The following ALK variants were observed in gnomAD, a reference collection of about 807,000 sequenced individuals.
ALK encodes the protein ALK tyrosine kinase receptor.
ALK carries 74 observed loss-of-function variants against 163.1 expected under a neutral mutation model. The ratio of observed to expected loss-of-function variants is 0.45; its 90% CI spans 0.38 to 0.55. ALK has a LOEUF of 0.55. Among genes scored for constraint, ALK ranks in the 20% least tolerant of loss-of-function variants. The pLI is 0.00. For missense variants in ALK, 2,063 were observed against 2,105.3 expected, an observed-to-expected ratio of 0.98 and a Z score of 0.39; for synonymous variants, 960 against 843.2, an observed-to-expected ratio of 1.14 and a Z score of -2.40.
chr2:29,729,921 C>T (rs1679688161), intron 1 of ALK, among the ~76,000 whole-genome samples: 1 of 152,200 alleles, frequency 6.6e-6, no homozygotes, highest in Non-Finnish European at 1.5e-5. Context: ...TGGTTTGTGA[C>T]TTGGTTTTCA....
chr2:29,266,380 G>A (rs922778887), intron 11 of ALK, among the ~76,000 whole-genome samples: 6 of 152,176 alleles, frequency 3.9e-5, no homozygotes, highest in African/African-American at 1.4e-4. Flanking sequence ...ATACACAAAA[G>A]TGTGCACAAC....
intron 4 of ALK, among the ~76,000 whole-genome samples, chr2:29,465,114 C>T (rs993395792): frequency 6.6e-6 from 1 of 152,116 alleles, no homozygotes; most frequent in Non-Finnish European, 1.5e-5. Context: ...AAGAAAATTA[C>T]ATCAAGATCC....
intron 4 of ALK, among the ~76,000 whole-genome samples, chr2:29,443,773 T>G (rs1390176009): frequency 1.3e-5 from 2 of 152,300 alleles, no homozygotes; most frequent in East Asian, 3.9e-4. Context: ...TGAAAGCAAT[T>G]GATGGTGAAT....
chr2:29,551,489 A>T (rs1437480229), intron 3 of ALK, among the ~76,000 whole-genome samples: 1 of 152,168 alleles, frequency 6.6e-6, no homozygotes, highest in Non-Finnish European at 1.5e-5. Flanking sequence ...ATGAAGAAAC[A>T]AATTTAGAGG....
intron 4 of ALK, among the ~76,000 whole-genome samples, chr2:29,442,573 T>G (rs1278004214): frequency 6.6e-6 from 1 of 152,170 alleles, no homozygotes; most frequent in Non-Finnish European, 1.5e-5. Flanking sequence ...CCTTAGCCTT[T>G]CTGAGCCTCT....
At chr2:29,453,616 A>G (rs868117124) in intron 4 of ALK, among the ~76,000 whole-genome samples, 2 of 152,200 alleles carry the variant, frequency 1.3e-5, no homozygotes, top group Non-Finnish European at 2.9e-5. Context: ...CTAGAACAGT[A>G]CCTGCTACAT....
At chr2:29,390,863 T>C (rs1339282215) in intron 4 of ALK, among the ~76,000 whole-genome samples, 2 of 152,162 alleles carry the variant, frequency 1.3e-5, no homozygotes, top group Non-Finnish European at 2.9e-5. Context: ...TGGCATGGAG[T>C]CTTTTATCCA....
intron 5 of ALK, among the ~76,000 whole-genome samples, chr2:29,349,699 T>C (rs550694432): frequency 1.3e-5 from 2 of 152,128 alleles, no homozygotes; most frequent in South Asian, 2.1e-4. Flanking sequence ...ATGTGCAGAG[T>C]GGACAGGTGA....
At chr2:29,503,532 C>T (rs903631444) in intron 4 of ALK, among the ~76,000 whole-genome samples, 2 of 152,184 alleles carry the variant, frequency 1.3e-5, no homozygotes, top group Non-Finnish European at 2.9e-5. Flanking sequence ...AAGAACAATG[C>T]ATGGGCACCG....
intron 4 of ALK, among the ~76,000 whole-genome samples, chr2:29,487,876 G>A (rs936175006): frequency 6.6e-5 from 10 of 152,116 alleles, no homozygotes; most frequent in Non-Finnish European, 1.2e-4. Context: ...AAGCCTGCCC[G>A]CTATCCCGTG....
intron 3 of ALK, among the ~76,000 whole-genome samples, chr2:29,664,861 T>C (rs1257488595): frequency 6.6e-6 from 1 of 152,124 alleles, no homozygotes; most frequent in Non-Finnish European, 1.5e-5. Context: ...GTCTTCCATA[T>C]CACTTACGGA....
rs7577030 is a variant in ALK, at chr2:29,387,223, G to T, written c.1155-3364C>A. 7.3e-3 allele frequency among the ~76,000 whole-genome samples: 1,113 copies of T among 152,304 alleles called. 12 individuals are homozygous for T. The highest frequency in any genetic ancestry group is 0.025 in the African/African-American group (1,043 of 41,564). On this transcript the variant is annotated intron_variant, in intron 4 of 28. Coordinates refer to ENST00000389048, the MANE Select transcript of ALK (RefSeq NM_004304.5). ...GTCTCTCTGGAGCTCTCCGGTTCCA[G>T]TTCTGGCTCTGCCCCTCATTTGCCT...
Position 29,203,485 on chromosome 2 carries a change from CTTTTTTTTTTTT to C in ALK, c.3938+3674_3938+3685del, listed in dbSNP as rs1156462365. Among the ~76,000 whole-genome samples, 11 of 32,548 alleles carry C rather than the reference CTTTTTTTTTTTT, an allele frequency of 3.4e-4. 1 individual carries two copies. Among genetic ancestry groups the C allele is most frequent in the African/African-American group, 4.9e-4 (4 of 8,178 alleles). 21.4% of individuals were successfully genotyped at this position (32,548 alleles called of 152,430 possible). A position where few individuals can be genotyped will look rare whatever the true frequency, so the allele number is the denominator to read the frequency against. ...TATCACCATTGGCCTGAGGATGTGCCTTTTTTTTTTTTTTTTTTTTTTTTTTTGTGAGACAGA... is the reference window on the plus strand; with the variant it reads ...TATCACCATTGGCCTGAGGATGTGCCTTTTTTTTTTTTTTTGTGAGACAGA... On this transcript the variant is annotated intron_variant, in intron 26 of 28. Coordinates refer to ENST00000389048, the MANE Select transcript of ALK (RefSeq NM_004304.5).
intron 1 of ALK, among the ~76,000 whole-genome samples, chr2:29,773,431 G>A (rs1293929690): frequency 6.6e-6 from 1 of 152,138 alleles, no homozygotes; most frequent in African/African-American, 2.4e-5. Flanking sequence ...CTCTTTACTT[G>A]TTGCTACCAG....
chr2:29,689,640 T>C (rs896649063), intron 3 of ALK, among the ~76,000 whole-genome samples: 1 of 152,258 alleles, frequency 6.6e-6, no homozygotes, highest in Non-Finnish European at 1.5e-5. Context: ...AACCAAGGCA[T>C]AGTGGGCTAA....
chr2:29,453,751 T>A (rs1488955846), intron 4 of ALK, among the ~76,000 whole-genome samples: 1 of 152,068 alleles, frequency 6.6e-6, no homozygotes, highest in East Asian at 1.9e-4. Context: ...GAAGACGATA[T>A]GGAGCAAGTG....
chr2:29,813,573 G>C (rs1226592833), intron 1 of ALK, among the ~76,000 whole-genome samples: 5 of 152,046 alleles, frequency 3.3e-5, no homozygotes, highest in Non-Finnish European at 7.4e-5. Flanking sequence ...AAAAAGAAGA[G>C]GCATAAAAAT....
chr2:29,350,370 G>GA (rs1668080769), intron 5 of ALK, among the ~76,000 whole-genome samples: 1 of 152,232 alleles, frequency 6.6e-6, no homozygotes, highest in Admixed American at 6.5e-5. Flanking sequence ...TGTGGCCAGT[G>GA]AAAGGCTAGT....
At chr2:29,759,613 T>A (rs1181066982) in intron 1 of ALK, among the ~76,000 whole-genome samples, 1 of 152,240 alleles carries the variant, frequency 6.6e-6, no homozygotes, top group African/African-American at 2.4e-5. Flanking sequence ...AAACACTCTT[T>A]GGCCTTTGAA....
Sources: gnomAD v4.1 joint callset for allele counts (sites outside exome capture counted in the v4.1 genomes callset) on GRCh38, gnomAD v4.1.1 for gene constraint, MANE v1.5 for transcripts, NCBI Gene and HGNC (gene_info 2026-07-23, HGNC 2026-07-21) for gene names.